ITPR2: variants seen among roughly 807,000 people sequenced by gnomAD.
ITPR2 encodes the protein inositol 1,4,5-trisphosphate receptor type 2.
ITPR2 carries 207 observed loss-of-function variants against 317.1 expected under a neutral mutation model. The ratio of observed to expected loss-of-function variants is 0.65; its 90% CI spans 0.58 to 0.73. The LOEUF is 0.73. ITPR2 is among the 30% of genes least tolerant of loss of function. ITPR2 has a pLI of 0.00. For missense variants in ITPR2, 2,613 were observed against 3,284.0 expected (o/e 0.80, Z 4.99); for synonymous variants, 1,156 against 1,149.1 (o/e 1.01, Z -0.12).
At chr12:26,626,124 G>A (rs564691471) in intron 23 of ITPR2, among the ~76,000 whole-genome samples, 2 of 152,202 alleles carry the variant, frequency 1.3e-5, no homozygotes, top group South Asian at 4.1e-4. Context: ...TCCACTACTG[G>A]CTAATTTTTT....
intron 47 of ITPR2, 57 bp downstream of exon 47, chr12:26,439,070 G>C: frequency 9.1e-7 from 1 of 1,097,622 alleles, no homozygotes. Context: ...GTGTCCCAAA[G>C]TACCAAATTA....
chr12:26,541,700 A>G (rs1456286747), intron 37 of ITPR2, among the ~76,000 whole-genome samples: 2 of 152,234 alleles, frequency 1.3e-5, no homozygotes. Flanking sequence ...CAAATTTGCA[A>G]CAATGCAATT....
chr12:26,361,847 A>T (rs146384750), intron 55 of ITPR2, among the ~76,000 whole-genome samples: 1 of 152,256 alleles, frequency 6.6e-6, no homozygotes, highest in African/African-American at 2.4e-5. Context: ...CAGTTTAGGC[A>T]GCAATTTAGA....
At position 26,404,630 on chromosome 12, in the gene ITPR2, G is replaced by T. The variant is rs79708066; in HGVS notation, c.7400-4372C>A. Among the ~76,000 whole-genome samples, 405 of 152,254 alleles carry T rather than the reference G, an allele frequency of 2.7e-3. 1 individual carries two copies. Among genetic ancestry groups the T allele is most frequent in the African/African-American group, 9.4e-3 (391 of 41,554 alleles). On this transcript the variant is annotated intron_variant, in intron 52 of 56. Transcript: ENST00000381340. ...GAGAGGGTCGGTCAACTGTTTTATA[G>T]GGAAATTTGGTACTGAAGGAAGGAG...
intron 2 of ITPR2, among the ~76,000 whole-genome samples, chr12:26,728,209 G>A (rs1207369487): frequency 1.3e-5 from 2 of 152,188 alleles, no homozygotes; most frequent in Admixed American, 1.3e-4. Flanking sequence ...TGAAAAGACA[G>A]TAGGGATGGA....
intron 37 of ITPR2, among the ~76,000 whole-genome samples, chr12:26,496,886 G>T (rs991994490): frequency 6.7e-6 from 1 of 149,840 alleles, no homozygotes; most frequent in African/African-American, 2.5e-5. Flanking sequence ...GGAGCTTGCA[G>T]TGAGCCGAGA....
chr12:26,627,830 G>A (rs187713334), intron 23 of ITPR2, among the ~76,000 whole-genome samples: 24 of 152,128 alleles, frequency 1.6e-4, no homozygotes, highest in African/African-American at 5.8e-4. Flanking sequence ...TAGATGACGG[G>A]TTGATGGGTG....
chr12:26,684,896 G>A (rs1002423438), intron 11 of ITPR2, among the ~76,000 whole-genome samples: 8 of 151,836 alleles, frequency 5.3e-5, no homozygotes, highest in Admixed American at 5.2e-4. Context: ...CCTGGGTCAG[G>A]TAAAACCAGA....
At chr12:26,823,166 GA>G (rs1032796270) in intron 1 of ITPR2, among the ~76,000 whole-genome samples, 103 of 151,846 alleles carry the variant, frequency 6.8e-4, no homozygotes, top group African/African-American at 2.4e-3. Flanking sequence ...TGGGCACTTG[GA>G]AAAAAACAAA....
chr12:26,799,492 C>T (rs1328596339), intron 1 of ITPR2, among the ~76,000 whole-genome samples: 1 of 152,158 alleles, frequency 6.6e-6, no homozygotes, highest in East Asian at 1.9e-4. Flanking sequence ...AGTATCAGTA[C>T]TGGTGAAACT....
At chr12:26,585,135 T>G (rs1945492482) in intron 32 of ITPR2, among the ~76,000 whole-genome samples, 1 of 152,212 alleles carries the variant, frequency 6.6e-6, no homozygotes, top group Non-Finnish European at 1.5e-5. Context: ...GAAAATTACT[T>G]ATAATCCTAT....
At chr12:26,478,733 C>G (rs200005629) in intron 43 of ITPR2, among the ~76,000 whole-genome samples, 1 of 151,862 alleles carries the variant, frequency 6.6e-6, no homozygotes, top group Non-Finnish European at 1.5e-5. Context: ...CTTAAAGAAG[C>G]CAGATTCTTT....
At chr12:26,348,481 T>C (rs1380389761) in intron 55 of ITPR2, among the ~76,000 whole-genome samples, 1 of 152,180 alleles carries the variant, frequency 6.6e-6, no homozygotes, top group African/African-American at 2.4e-5. Context: ...ACCCATGACA[T>C]TGGCATTGGG....
At chr12:26,789,213 G>C (rs1950304491) in intron 2 of ITPR2, among the ~76,000 whole-genome samples, 1 of 152,152 alleles carries the variant, frequency 6.6e-6, no homozygotes, top group African/African-American at 2.4e-5. Context: ...TTTTGTGCAT[G>C]TCAGTTTCTC....
rs116099222 is a variant in ITPR2 at position 26,482,263 on chromosome 12, C to T, written c.6013-1022G>A. Among the ~76,000 whole-genome samples the T allele has an allele frequency of 6.5e-3, 989 of 152,292 alleles. 18 individuals carry two copies. The highest frequency in any genetic ancestry group is 0.023 in the African/African-American group (945 of 41,556). On this transcript the variant is annotated intron_variant, in intron 42 of 56. Coordinates refer to ENST00000381340, the MANE Select transcript of ITPR2 (RefSeq NM_002223.4). ...TAAAGAGAATCTTTTTGCAGATCATCTCCAGAATTTGCCAGCAATCTTTCC... is the reference window on the plus strand; with the variant it reads ...TAAAGAGAATCTTTTTGCAGATCATTTCCAGAATTTGCCAGCAATCTTTCC...
chr12:26,355,783 A>G (rs1390209491), intron 55 of ITPR2, among the ~76,000 whole-genome samples: 1 of 152,186 alleles, frequency 6.6e-6, no homozygotes, highest in East Asian at 1.9e-4. Context: ...GAGCTTTCCA[A>G]AAATCCACTG....
Position 26,578,825 on chromosome 12 carries a change from C to T in ITPR2, c.4518G>A (p.Gln1506=). The T allele has an allele frequency of 6.2e-7, 1 of 1,608,212 alleles. No individual in the cohort carries two copies. The highest frequency in any genetic ancestry group is 8.5e-7 in the Non-Finnish European group (1 of 1,175,788). ...SDNSTSLQTH[Q]PVFIQLLQSA... ...ATTGCAGTAGCTGAATAAAAACTGGCTGATGTGTCTAAAACCAGAAAGAAG... is the reference window on the plus strand; with the variant it reads ...ATTGCAGTAGCTGAATAAAAACTGGTTGATGTGTCTAAAACCAGAAAGAAG... The change falls in exon 34 of 57, where the codon CAG becomes CAA. Residue 1506 remains glutamine (Q), a synonymous_variant. Coordinates refer to ENST00000381340, the MANE Select transcript of ITPR2 (RefSeq NM_002223.4).
intron 2 of ITPR2, among the ~76,000 whole-genome samples, chr12:26,789,183 A>G (rs1185539663): frequency 6.6e-6 from 1 of 152,224 alleles, no homozygotes; most frequent in Non-Finnish European, 1.5e-5. Flanking sequence ...AAAGTGACCA[A>G]TTTAACTCAA....
intron 37 of ITPR2, among the ~76,000 whole-genome samples, chr12:26,511,118 G>A (rs1187466155): frequency 2.6e-5 from 4 of 151,912 alleles, no homozygotes; most frequent in African/African-American, 7.3e-5. Context: ...GTAACCAATC[G>A]TTTCCCTGCA....
Sources: gnomAD v4.1 joint callset for allele counts (sites outside exome capture counted in the v4.1 genomes callset) on GRCh38, gnomAD v4.1.1 for gene constraint, MANE v1.5 for transcripts, NCBI Gene and HGNC (gene_info 2026-07-23, HGNC 2026-07-21) for gene names.